The following ZNF425 variants were observed in gnomAD, a reference collection of about 807,000 sequenced individuals.
ZNF425 encodes the protein zinc finger protein 425.
In ZNF425, 21 loss-of-function variants were observed where a neutral mutation model predicts 17.0. The observed-to-expected ratio is 1.23, with a 90% CI of 0.88 to 1.78. The LOEUF is 1.78. Ranked by LOEUF, ZNF425 falls within the 40% of genes most tolerant of loss-of-function variation. ZNF425 has a pLI of 0.00. For missense variants in ZNF425, 868 were observed against 967.3 expected (o/e 0.90, Z 1.36); for synonymous variants, 433 against 384.1 (o/e 1.13, Z -1.49).
In ZNF425 at chr7:149,104,657, A is replaced by T; in HGVS notation, c.1214T>A (p.Ile405Asn). Residue 405 changes from isoleucine (I) to asparagine (N), a missense_variant, in exon 4 of 4, where the codon ATC (isoleucine) becomes AAC (asparagine). Ile to Asn is a moderately radical substitution (Grantham distance 149, BLOSUM62 -3). Around this residue, in one of 5 missense-constraint regions of ZNF425, gnomAD observed 5 missense variants for 21.4 expected, o/e 0.23. Coordinates refer to ENST00000378061, the MANE Select transcript of ZNF425 (RefSeq NM_001001661.3). The surrounding 1 kb of genome is among the most constrained non-coding windows in gnomAD (Gnocchi z 4.3). Reference protein sequence around the residue: ...FIYKIKLDEHIRVHTGEKPFS... With the variant: ...FIYKIKLDEHNRVHTGEKPFS... ...GGGCTTCTCTCCCGTGTGAACTCTG[A>T]TGTGCTCGTCCAGCTTAATCTTGTA... is the stretch of plus-strand genomic sequence containing the variant. 6.2e-7 allele frequency: 1 copy of T among 1,614,052 alleles called. No homozygotes were observed. The highest frequency in any genetic ancestry group is 2.2e-5 in the East Asian group (1 of 44,868).
chr7:149,121,043 A>AACTAT (rs892623418), intron 1 of ZNF425, among the ~76,000 whole-genome samples: 24 of 151,644 alleles, frequency 1.6e-4, no homozygotes, highest in African/African-American at 5.8e-4. Context: ...GAAAATGCCA[A>AACTAT]ACTATATTCC....
Position 149,118,360 on chromosome 7 carries a change from A to T in ZNF425, c.19-12T>A. On this transcript the variant is annotated splice_polypyrimidine_tract_variant and intron_variant, in intron 1 of 3. Coordinates refer to ENST00000378061, the MANE Select transcript of ZNF425 (RefSeq NM_001001661.3). ...AATGTCACAGTTACCTGGAATCACA[A>T]ATAGTATACACATACATTTTTACTT... 6.2e-7 allele frequency: 1 copy of T among 1,614,164 alleles called. No homozygotes were observed.
chr7:149,113,654 C>T (rs1023662189), intron 2 of ZNF425, among the ~76,000 whole-genome samples: 3 of 150,762 alleles, frequency 2.0e-5, no homozygotes, highest in Non-Finnish European at 4.4e-5. Context: ...CAGGTTCATG[C>T]CATTCTCCTG....
Position 149,104,459 on chromosome 7 carries a change from G to A in ZNF425, c.1412C>T (p.Pro471Leu). The A allele has an allele frequency of 1.9e-6, 3 of 1,600,644 alleles. No individual in the cohort carries two copies. The highest frequency in any genetic ancestry group is 2.6e-6 in the Non-Finnish European group (3 of 1,174,452). Residue 471 changes from proline (P) to leucine (L), a missense_variant, in exon 4 of 4, where the codon CCC (proline) becomes CTC (leucine). This residue lies in a region of ZNF425 where 437 missense variants were observed against 444.2 expected (regional missense o/e 0.98). Coordinates refer to ENST00000378061, the MANE Select transcript of ZNF425 (RefSeq NM_001001661.3). This position sits in a 1 kb window ranked among gnomAD's most constrained non-coding sequence, Gnocchi z 4.3. ...GAAGCGCTTGCCGCACTCGGCGCAGGGGAAGGGCTTTTGCTCGCTGTGCAG... is the reference window on the plus strand; with the variant it reads ...GAAGCGCTTGCCGCACTCGGCGCAGAGGAAGGGCTTTTGCTCGCTGTGCAG... ...QRLHSEQKPF[P>L]CAECGKRFTR...
chr7:149,105,709 G>A (rs1302587825), intron 3 of ZNF425, 143 bp from the exon 4 acceptor site: 1 of 477,702 alleles, frequency 2.1e-6, no homozygotes, highest in East Asian at 4.7e-5. Context: ...GGATTGCAGT[G>A]GTGCGATCTC....
At chr7:149,125,812 C>G in intron 1 of ZNF425, 1 of 384,158 alleles carries the variant, frequency 2.6e-6, no homozygotes. Context: ...GGTTCCCCCT[C>G]CCTGGGGAAC....
chr7:149,104,695 G>T lies in ZNF425; in HGVS notation c.1176C>A (p.Gly392=), dbSNP rs779690204. 40 of 1,613,670 alleles carry T rather than the reference G, an allele frequency of 2.5e-5. No individual in the cohort carries two copies. Among genetic ancestry groups the T allele is most frequent in the South Asian group, 8.8e-5 (8 of 91,092 alleles). The stretch of plus-strand genomic sequence containing the variant: ...GCTTAATCTTGTAGATGAATTTCCT[G>T]CCACATTCACCACAAGAAAACGGCT... ...EEKPFSCGEC[G]RKFIYKIKLD... Residue 392 remains glycine, a synonymous_variant, in exon 4 of 4, where the codon GGC becomes GGA. Transcript: ENST00000378061. This position sits in a 1 kb window ranked among gnomAD's most constrained non-coding sequence, Gnocchi z 4.3.
rs772822938 is a variant in ZNF425 at position 149,105,181 on chromosome 7, C to A, written c.690G>T (p.Lys230Asn). The A allele has an allele frequency of 2.8e-5, 45 of 1,614,096 alleles. No homozygotes were observed. Among genetic ancestry groups the A allele is most frequent in the Admixed American group, 5.0e-5 (3 of 59,996 alleles). ...GCCTCTGCGTCCGCCTGAGTTCGGA[C>A]TTCCCTCTGGACGAGTTTTTGTACT... The part of the protein sequence containing the change: ...YPKYKNSSRG[K>N]SELRRTQRLL... Residue 230 changes from lysine to asparagine, a missense_variant, in exon 4 of 4, where the codon AAG (lysine) becomes AAT (asparagine). Physicochemically the swap from Lys to Asn is moderately conservative, Grantham distance 94. Transcript: ENST00000378061.
intron 3 of ZNF425, among the ~76,000 whole-genome samples, chr7:149,111,590 T>TAAAAAAAAGAAAAAAAAAAAAAAAAA (rs1826177321): frequency 1.8e-5 from 1 of 54,382 alleles, no homozygotes; most frequent in Non-Finnish European, 3.3e-5. Flanking sequence ...AGACTCTGTC[T>TAAAAAAAAGAAAAAAAAAAAAAAAAA]AAAAAAAAAA....
intron 3 of ZNF425, among the ~76,000 whole-genome samples, chr7:149,106,060 A>G (rs182673186): frequency 0.012 from 1,775 of 145,474 alleles, 35 homozygotes; most frequent in African/African-American, 0.043. Flanking sequence ...GGTTCAAGCA[A>G]TTCTCTGCCT....
intron 1 of ZNF425, among the ~76,000 whole-genome samples, chr7:149,122,919 T>A (rs879794615): frequency 6.6e-6 from 1 of 152,134 alleles, no homozygotes; most frequent in Non-Finnish European, 1.5e-5. Context: ...GGTCTTGAAC[T>A]CCTAACCTCA....
Position 149,103,877 on chromosome 7 carries a change from G to A in ZNF425, c.1994C>T (p.Pro665Leu), listed in dbSNP as rs776134335. The A allele has an allele frequency of 1.2e-6, 2 of 1,613,988 alleles. No individual in the cohort carries two copies. Among genetic ancestry groups the A allele is most frequent in the African/African-American group, 2.7e-5 (2 of 74,894 alleles). Reference sequence around the variant, plus strand: ...CTTGTCACACTCCGGACACTGGAAGGGCTTCTCCCCGCTGTGGACTCGAAT... The same window carrying A: ...CTTGTCACACTCCGGACACTGGAAGAGCTTCTCCCCGCTGTGGACTCGAAT... ...EHIRVHSGEK[P>L]FQCPECDKSY... Residue 665 changes from proline (P) to leucine (L), a missense_variant, in exon 4 of 4, where the codon CCC (proline) becomes CTC (leucine). By Grantham distance (98) the Pro-to-Leu change is moderately conservative. Transcript: ENST00000378061.
At chr7:149,108,665 G>T (rs1250498911) in intron 3 of ZNF425, among the ~76,000 whole-genome samples, 2 of 152,050 alleles carry the variant, frequency 1.3e-5, no homozygotes, top group Non-Finnish European at 2.9e-5. Context: ...AGGCTGAGGT[G>T]GGTGGATCAC....
intron 1 of ZNF425, among the ~76,000 whole-genome samples, chr7:149,120,460 A>G (rs1826331887): frequency 6.6e-6 from 1 of 152,186 alleles, no homozygotes; most frequent in African/African-American, 2.4e-5. Flanking sequence ...TTCTCTCAGC[A>G]TAATGTCCTT....
chr7:149,105,519 C>T lies in ZNF425; in HGVS notation c.352G>A (p.Gly118Ser), dbSNP rs372671230. ...RTKEEDCRLN[G>S]PQKQDLCAAL... ...GCACACAAGTCCTGTTTTTGAGGAC[C>T]ATTTAAACGGCAATCCTCTTCTTTT... Residue 118 changes from glycine to serine, a missense_variant, in exon 4 of 4, where the codon GGT becomes AGT. Gly to Ser is a moderately conservative substitution (Grantham distance 56, BLOSUM62 0). Coordinates refer to ENST00000378061, the MANE Select transcript of ZNF425 (RefSeq NM_001001661.3). 13 of 1,517,238 alleles carry T rather than the reference C, an allele frequency of 8.6e-6. No homozygotes were observed. Among genetic ancestry groups the T allele is most frequent in the Non-Finnish European group, 1.1e-5 (13 of 1,136,490 alleles). The allele number at this position is 1,517,238 out of a possible 1,614,324, so 94.0% of individuals were successfully genotyped here.
chr7:149,115,869 A>G (rs1049209539), intron 2 of ZNF425, among the ~76,000 whole-genome samples: 5 of 152,176 alleles, frequency 3.3e-5, no homozygotes, highest in Admixed American at 1.3e-4. Flanking sequence ...GTACTTGTGA[A>G]AAATGTAGAT....
At chr7:149,107,341 A>T (rs558536005) in intron 3 of ZNF425, among the ~76,000 whole-genome samples, 5,331 of 123,124 alleles carry the variant, frequency 0.043, 109 homozygotes, top group African/African-American at 0.05. Flanking sequence ...TTATTTATTT[A>T]TTTATTTTTT....
At chr7:149,112,602 C>T (rs56765789) in intron 2 of ZNF425, among the ~76,000 whole-genome samples, 6,825 of 152,196 alleles carry the variant, frequency 0.045, 521 homozygotes, top group African/African-American at 0.15. Flanking sequence ...CTCTGCACCC[C>T]AGCCTAGGCA....
At chr7:149,122,925 C>T (rs1826384409) in intron 1 of ZNF425, among the ~76,000 whole-genome samples, 1 of 152,108 alleles carries the variant, frequency 6.6e-6, no homozygotes, top group South Asian at 2.1e-4. Context: ...GAACTCCTAA[C>T]CTCAGGTGAT....
Sources: allele counts gnomAD v4.1 joint callset (sites outside exome capture counted in the v4.1 genomes callset), GRCh38; gene constraint gnomAD v4.1.1; regional missense constraint gnomAD v4.1.1; non-coding constraint Gnocchi (gnomAD v3.1); transcripts MANE v1.5; gene names NCBI Gene and HGNC (gene_info 2026-07-23, HGNC 2026-07-21).